Variants in CDON observed in about 807,000 individuals in gnomAD.
CDON encodes the protein cell adhesion molecule-related/down-regulated by oncogenes.
Under a neutral mutation model 120.9 loss-of-function variants are expected in CDON, and 73 were observed. The observed-to-expected ratio is 0.60, with a 90% CI of 0.50 to 0.73. The LOEUF (loss-of-function observed/expected upper bound fraction) is 0.73. Ranked by LOEUF, CDON falls within the 30% of genes least tolerant of loss-of-function variation. The pLI, the probability that CDON is intolerant of heterozygous loss-of-function variation, is 0.00. For missense variants in CDON, 1,470 were observed against 1,587.3 expected (o/e 0.93, Z 1.26); for synonymous variants, 566 against 573.5 (o/e 0.99, Z 0.19).
chr11:125,994,692 T>C (rs1352161031), intron 13 of CDON, among the ~76,000 whole-genome samples, 179 bp downstream of exon 13: 1 of 152,242 alleles, frequency 6.6e-6, no homozygotes, highest in Non-Finnish European at 1.5e-5. Context: ...ATAATTTTCC[T>C]TTTAACCCTG....
At chr11:126,029,242 T>A (rs1314041119) in intron 1 of CDON, among the ~76,000 whole-genome samples, 1 of 152,184 alleles carries the variant, frequency 6.6e-6, no homozygotes, top group Non-Finnish European at 1.5e-5. Flanking sequence ...TAAAAGTAAC[T>A]GGAAAAAGAA....
rs759655914 is a variant in CDON at position 126,019,153 on chromosome 11, A to G, written c.496+466T>C. On this transcript the variant is annotated intron_variant, in intron 4 of 19. Coordinates refer to ENST00000531738, the MANE Select transcript of CDON (RefSeq NM_001378964.1). ...CATATTAAGGGGCTACTTTCTGCCAACAATGGCCAGGCACAAGTGCTACGG... is the reference window on the plus strand; with the variant it reads ...CATATTAAGGGGCTACTTTCTGCCAGCAATGGCCAGGCACAAGTGCTACGG... Among the ~76,000 whole-genome samples, 18 of 152,304 alleles carry G rather than the reference A, an allele frequency of 1.2e-4. No individual in the cohort carries two copies. In the South Asian group the frequency reaches 2.1e-3, roughly 18 times the overall value.
intron 1 of CDON, among the ~76,000 whole-genome samples, chr11:126,032,916 G>A (rs1391664410): frequency 1.3e-5 from 2 of 152,152 alleles, no homozygotes; most frequent in Admixed American, 1.3e-4. Flanking sequence ...GATGAGGTGG[G>A]AGGATCCCTG....
chr11:125,974,746 A>C (rs1469413890), intron 18 of CDON, among the ~76,000 whole-genome samples: 1 of 152,132 alleles, frequency 6.6e-6, no homozygotes, highest in Non-Finnish European at 1.5e-5. Flanking sequence ...TGAAGCCAAG[A>C]CCAGCATTTT....
chr11:125,962,101 C>T (rs1326754539), intron 18 of CDON, 103 bp from the exon 19 acceptor site: 21 of 895,904 alleles, frequency 2.3e-5, no homozygotes, highest in Non-Finnish European at 3.5e-5. Flanking sequence ...TTCACAGACT[C>T]TTAAGAAAGA....
chr11:126,001,674 G>A, intron 11 of CDON, 45 bp downstream of exon 11: 2 of 1,578,594 alleles, frequency 1.3e-6, no homozygotes, highest in Non-Finnish European at 1.7e-6. Flanking sequence ...TCTGAAGCAG[G>A]TCAGTTATAT....
intron 10 of CDON, 29 bp from the exon 11 acceptor site, chr11:126,001,879 A>G: frequency 6.6e-7 from 1 of 1,520,270 alleles, no homozygotes; most frequent in Non-Finnish European, 9.1e-7. Context: ...ATATACAGTA[A>G]CATAAGCATA....
Position 126,005,774 on chromosome 11 carries a change from A to G in CDON, c.1836T>C (p.Phe612=), listed in dbSNP as rs1591377152. ...KDGGLPINAY[F]VKYRKLDDGV... ...AAGACATTACCTTTCGATACTTCAC[A>G]AAGTAAGCATTGATGGGCAGCCCAC... The change falls in exon 9 of 20, where the codon TTT becomes TTC. Residue 612 remains phenylalanine (F), a synonymous_variant. Transcript: ENST00000531738. 1 of 1,613,704 alleles carries G rather than the reference A, an allele frequency of 6.2e-7. No individual in the cohort carries two copies. The highest frequency in any genetic ancestry group is 8.5e-7 in the Non-Finnish European group (1 of 1,180,010).
At chr11:126,015,661 GAAA>G (rs1220606408) in intron 6 of CDON, 151 bp from the exon 7 acceptor site, 13 of 814,246 alleles carry the variant, frequency 1.6e-5, no homozygotes, top group Non-Finnish European at 2.6e-5. Context: ...TGGTAATCAA[GAAA>G]AAAATTAGAA....
chr11:125,989,542 A>C (rs1033755191), intron 15 of CDON, 95 bp downstream of exon 15: 15 of 1,247,302 alleles, frequency 1.2e-5, no homozygotes, highest in Non-Finnish European at 1.4e-5. Flanking sequence ...TCTCAAAACA[A>C]GACAAAACAA....
At chr11:125,971,545 T>C (rs920746865) in intron 18 of CDON, among the ~76,000 whole-genome samples, 33 of 152,348 alleles carry the variant, frequency 2.2e-4, no homozygotes, top group African/African-American at 7.9e-4. Context: ...GTTGTCATTA[T>C]ACAAAACTCT....
At chr11:126,002,081 T>G (rs1263822730) in intron 10 of CDON, among the ~76,000 whole-genome samples, 1 of 152,196 alleles carries the variant, frequency 6.6e-6, no homozygotes, top group Non-Finnish European at 1.5e-5. Flanking sequence ...ATGTCTTTCT[T>G]CATTCTAACT....
Position 125,997,255 on chromosome 11 carries a change from C to A in CDON, c.2314G>T (p.Asp772Tyr), listed in dbSNP as rs1281443862. 1 of 1,614,166 alleles carries A rather than the reference C, an allele frequency of 6.2e-7. No individual in the cohort carries two copies. Among genetic ancestry groups the A allele is most frequent in the South Asian group, 1.1e-5 (1 of 91,088 alleles). The change falls in exon 12 of 20, where the codon GAC becomes TAC. Residue 772 changes from aspartate (D) to tyrosine (Y), a missense_variant. Asp to Tyr is a radical substitution (Grantham distance 160, BLOSUM62 -3). Coordinates refer to ENST00000531738, the MANE Select transcript of CDON (RefSeq NM_001378964.1). ...ACTGAAAGTTTGGAAGGAGGGATGT[C>A]TTCAGCTGCCACCAGCCAATTGCTG... is the stretch of plus-strand genomic sequence containing the variant. The part of the protein sequence containing the change: ...RTSNWLVAAE[D>Y]IPPSKLSVEV...
At chr11:126,003,575 C>CT (rs1947020797) in intron 10 of CDON, among the ~76,000 whole-genome samples, 1 of 152,192 alleles carries the variant, frequency 6.6e-6, no homozygotes, top group Middle Eastern at 3.2e-3. Context: ...AATCCCAGCA[C>CT]TTTGGGAGGC....
intron 6 of CDON, among the ~76,000 whole-genome samples, chr11:126,016,356 T>C (rs567027410): frequency 6.6e-6 from 1 of 152,278 alleles, no homozygotes; most frequent in African/African-American, 2.4e-5. Flanking sequence ...GTGGAAATAA[T>C]TCAATTTTAT....
At chr11:126,000,175 G>A (rs895910932) in intron 11 of CDON, among the ~76,000 whole-genome samples, 3 of 151,922 alleles carry the variant, frequency 2.0e-5, no homozygotes, top group African/African-American at 7.3e-5. Flanking sequence ...TATTGTTAAT[G>A]GGTTTAGGTA....
At chr11:126,048,106 G>A (rs1262911437) in intron 1 of CDON, among the ~76,000 whole-genome samples, 3 of 151,770 alleles carry the variant, frequency 2.0e-5, no homozygotes, top group Non-Finnish European at 4.4e-5. Flanking sequence ...GAGAAACCTC[G>A]TCTTTACTAA....
At chr11:125,990,153 G>A (rs1234260244) in intron 14 of CDON, among the ~76,000 whole-genome samples, 1 of 152,098 alleles carries the variant, frequency 6.6e-6, no homozygotes, top group Non-Finnish European at 1.5e-5. Flanking sequence ...AAAAGCAACA[G>A]GACATTTGGG....
Position 125,960,934 on chromosome 11 carries a change from G to A in CDON, c.*8C>T. 1 of 1,613,816 alleles carries A rather than the reference G, an allele frequency of 6.2e-7. No individual in the cohort carries two copies. Among genetic ancestry groups the A allele is most frequent in the Non-Finnish European group, 8.5e-7 (1 of 1,179,930 alleles). ...GAAGTTGGAACATGACTGGTTGTTT[G>A]CATGTCCTCAGGTTTCCCGGGGCTG... On this transcript the variant is annotated 3_prime_UTR_variant, in exon 20 of 20. Transcript: ENST00000531738.
Sources: allele counts gnomAD v4.1 joint callset (sites outside exome capture counted in the v4.1 genomes callset), GRCh38; gene constraint gnomAD v4.1.1; transcripts MANE v1.5; gene names NCBI Gene and HGNC (gene_info 2026-07-23, HGNC 2026-07-21).